USP32: variants seen among roughly 807,000 people sequenced by gnomAD.
USP32 encodes the protein ubiquitin carboxyl-terminal hydrolase 32.
A neutral mutation model predicts 204.8 loss-of-function variants in USP32; 59 were observed. The observed-to-expected ratio is 0.29, with a 90% CI of 0.23 to 0.36. The LOEUF (loss-of-function observed/expected upper bound fraction) is 0.36, where lower values mean the gene tolerates loss of function less well. Ranked by LOEUF, USP32 falls within the 10% of genes least tolerant of loss-of-function variation. The pLI is 1.00. For missense variants in USP32, 1,160 were observed against 1,946.4 expected (o/e 0.60, Z 7.60); for synonymous variants, 517 against 678.4 (o/e 0.76, Z 3.70).
intron 5 of USP32, among the ~76,000 whole-genome samples, chr17:60,286,312 G>A (rs1441409721): frequency 2.0e-5 from 3 of 152,200 alleles, no homozygotes; most frequent in South Asian, 2.1e-4. Context: ...GGGTCTTTGC[G>A]GATGTAATGA....
At chr17:60,349,622 TA>T (rs1567867351) in intron 1 of USP32, among the ~76,000 whole-genome samples, 2 of 66,678 alleles carry the variant, frequency 3.0e-5, no homozygotes, top group African/African-American at 2.3e-4. Flanking sequence ...TATATATATA[TA>T]TTATATATAT....
chr17:60,229,638 A>C (rs1418324068), intron 12 of USP32, among the ~76,000 whole-genome samples: 1 of 152,216 alleles, frequency 6.6e-6, no homozygotes, highest in Non-Finnish European at 1.5e-5. Flanking sequence ...TTTGAGAAAA[A>C]TTAAAGTCTT....
At chr17:60,405,124 C>T (rs965811200) in intron 1 of USP32, among the ~76,000 whole-genome samples, 1 of 152,152 alleles carries the variant, frequency 6.6e-6, no homozygotes, top group Non-Finnish European at 1.5e-5. Context: ...ACGATCATGC[C>T]ACTGCACTCC....
chr17:60,294,381 G>GTAGTGTGTGTGT, intron 4 of USP32, among the ~76,000 whole-genome samples: 1 of 115,268 alleles, frequency 8.7e-6, no homozygotes, highest in African/African-American at 7.5e-5. Flanking sequence ...GGTTCCTGCA[G>GTAGTGTGTGTGT]GAGTGTGTGT....
chr17:60,236,102 C>G (rs1382528139), intron 12 of USP32, 36 bp downstream of exon 12: 5 of 1,567,228 alleles, frequency 3.2e-6, no homozygotes, highest in Non-Finnish European at 4.4e-6. Context: ...GCTGAAAATC[C>G]TGTGAAAAAT....
chr17:60,418,101 G>A (rs1285919555), intron 1 of USP32, among the ~76,000 whole-genome samples: 2 of 152,082 alleles, frequency 1.3e-5, no homozygotes, highest in Admixed American at 6.6e-5. Flanking sequence ...TGGGATTATA[G>A]GCATGTGCTA....
At chr17:60,394,305 C>A (rs2089884707), upstream of USP32, among the ~76,000 whole-genome samples, 1 of 152,144 alleles carries the variant, frequency 6.6e-6, no homozygotes, top group East Asian at 1.9e-4. Flanking sequence ...GGGAGAAAAA[C>A]CCTCAAGAGT....
chr17:60,367,691 ATAGCTACT>A (rs539810924), intron 1 of USP32, among the ~76,000 whole-genome samples: 1 of 152,210 alleles, frequency 6.6e-6, no homozygotes, highest in Non-Finnish European at 1.5e-5. Context: ...GCCTATACTT[ATAGCTACT>A]TGGGAGGTTG....
At chr17:60,330,986 G>T (rs966547801) in intron 2 of USP32, among the ~76,000 whole-genome samples, 1 of 152,090 alleles carries the variant, frequency 6.6e-6, no homozygotes, top group African/African-American at 2.4e-5. Flanking sequence ...ACTCAAGCTA[G>T]TCATATACCT....
chr17:60,232,462 T>G (rs936922594), intron 12 of USP32, among the ~76,000 whole-genome samples: 1 of 148,782 alleles, frequency 6.7e-6, no homozygotes, highest in Non-Finnish European at 1.5e-5. Flanking sequence ...TGTGAGCCAT[T>G]GCACCTGGCC....
intron 1 of USP32, among the ~76,000 whole-genome samples, chr17:60,367,292 T>G (rs1419835094): frequency 6.6e-6 from 1 of 152,174 alleles, no homozygotes; most frequent in South Asian, 2.1e-4. Context: ...GAGGGTTGCT[T>G]GAACTCAGGA....
At chr17:60,303,434 G>GA (rs2087637430) in intron 2 of USP32, among the ~76,000 whole-genome samples, 1 of 151,894 alleles carries the variant, frequency 6.6e-6, no homozygotes, top group African/African-American at 2.4e-5. Context: ...GGACTACAGA[G>GA]AATGTCTTTG....
chr17:60,389,803 T>C (rs946298193), intron 1 of USP32, among the ~76,000 whole-genome samples: 10 of 151,586 alleles, frequency 6.6e-5, no homozygotes, highest in African/African-American at 2.4e-4. Context: ...GATCACAAGG[T>C]CAGGAGATCC....
intron 11 of USP32, among the ~76,000 whole-genome samples, chr17:60,240,672 GTCTTT>G (rs2085854441): frequency 6.6e-6 from 1 of 152,108 alleles, no homozygotes; most frequent in African/African-American, 2.4e-5. Context: ...GTCTTATAAG[GTCTTT>G]TCTGAGTGTG....
At chr17:60,264,655 G>C (rs945141393) in intron 9 of USP32, among the ~76,000 whole-genome samples, 12 of 151,968 alleles carry the variant, frequency 7.9e-5, no homozygotes, top group African/African-American at 2.4e-4. Context: ...CCAGGGGTTT[G>C]AGATCAGCCT....
chr17:60,217,734 T>C (rs2085140087), intron 16 of USP32, among the ~76,000 whole-genome samples: 2 of 151,790 alleles, frequency 1.3e-5, no homozygotes, highest in Non-Finnish European at 2.9e-5. Flanking sequence ...AATGGTTTCC[T>C]TCACTTTTTA....
At chr17:60,294,528 A>G (rs1163954824) in intron 4 of USP32, among the ~76,000 whole-genome samples, 155 bp downstream of exon 4, 3 of 152,180 alleles carry the variant, frequency 2.0e-5, no homozygotes, top group Non-Finnish European at 4.4e-5. Context: ...AATGAGAGTC[A>G]TGCAATAGCA....
intron 5 of USP32, among the ~76,000 whole-genome samples, chr17:60,281,516 C>T (rs1234804903): frequency 6.9e-6 from 1 of 144,128 alleles, no homozygotes; most frequent in African/African-American, 2.6e-5. Context: ...CCAGCCTGGG[C>T]AAGAGTGAGA....
chr17:60,242,621 G>A (rs2085909358), intron 11 of USP32, among the ~76,000 whole-genome samples: 3 of 152,186 alleles, frequency 2.0e-5, no homozygotes, highest in South Asian at 4.1e-4. Flanking sequence ...ATGTTGGCCA[G>A]GCTGATCTCA....
Sources: gnomAD v4.1 joint callset for allele counts (sites outside exome capture counted in the v4.1 genomes callset) on GRCh38, gnomAD v4.1.1 for gene constraint, MANE v1.5 for transcripts, NCBI Gene and HGNC (gene_info 2026-07-23, HGNC 2026-07-21) for gene names.